The following TRA2A variants were observed in gnomAD, a reference collection of about 807,000 sequenced individuals.
TRA2A encodes transformer-2 protein homolog alpha.
In TRA2A, 31 loss-of-function variants were observed where a neutral mutation model predicts 45.7. The observed-to-expected ratio is 0.68, with a 90% CI of 0.51 to 0.92. The LOEUF (loss-of-function observed/expected upper bound fraction) is 0.92, where lower values mean the gene tolerates loss of function less well. Among genes scored for constraint, TRA2A ranks in the 40% least tolerant of loss-of-function variants. TRA2A has a pLI of 0.00. For synonymous variants in TRA2A, 132 were observed against 126.2 expected (o/e 1.05, Z -0.31); for missense variants, 304 against 367.5 (o/e 0.83, Z 1.41).
intron 1 of TRA2A, chr7:23,522,562 A>G (rs1790175243): frequency 5.6e-6 from 1 of 178,842 alleles, no homozygotes; most frequent in Non-Finnish European, 1.1e-5. Flanking sequence ...TATTTAAAAA[A>G]AAAAAAAAAA....
intron 3 of TRA2A, among the ~76,000 whole-genome samples, chr7:23,515,713 T>C (rs1789835726): frequency 6.6e-6 from 1 of 151,588 alleles, no homozygotes; most frequent in Non-Finnish European, 1.5e-5. Context: ...GCCTGGCTAA[T>C]TTTTGTATTT....
chr7:23,512,532 C>T (rs1327316697), intron 4 of TRA2A, among the ~76,000 whole-genome samples: 2 of 152,046 alleles, frequency 1.3e-5, no homozygotes, highest in African/African-American at 2.4e-5. Context: ...AATCTCGGCT[C>T]ACTGTAAGCT....
Position 23,505,832 on chromosome 7 carries a change from T to C in TRA2A, c.771-19A>G. ...TCGTCTTCTGTAAGAAATGAAAGAT[T>C]ACTTAGCATACTATATAATCACTCC... On this transcript the variant is annotated intron_variant, in intron 6 of 7. Transcript: ENST00000297071. 7.1e-7 allele frequency: 1 copy of C among 1,418,210 alleles called. No homozygotes were observed. Among genetic ancestry groups the C allele is most frequent in the East Asian group, 2.4e-5 (1 of 42,034 alleles). The allele number at this position is 1,418,210 out of a possible 1,614,324, so 87.9% of individuals were successfully genotyped here.
chr7:23,510,369 G>GC (rs1789544109), intron 4 of TRA2A, among the ~76,000 whole-genome samples: 1 of 151,990 alleles, frequency 6.6e-6, no homozygotes, highest in South Asian at 2.1e-4. Flanking sequence ...TCACTCTGTT[G>GC]CCCAGGCTGG....
rs1393366416 is a variant in TRA2A at position 23,517,058 on chromosome 7, T to C, written c.171-530A>G. Among the ~76,000 whole-genome samples the C allele has an allele frequency of 4.0e-5, 6 of 151,366 alleles. No individual in the cohort carries two copies. In the East Asian group the frequency reaches 6.0e-4, roughly 15 times the overall value. ...AGGAGGCAGAGGTTGCAAGCCGAGA[T>C]TGCGCCACCGCACTCCAGCATGGTA... is the stretch of plus-strand genomic sequence containing the variant. On this transcript the variant is annotated intron_variant, in intron 2 of 7. Transcript: ENST00000297071.
chr7:23,521,145 C>T (rs942325540), intron 2 of TRA2A, among the ~76,000 whole-genome samples: 4 of 152,152 alleles, frequency 2.6e-5, no homozygotes, highest in East Asian at 3.8e-4. Context: ...CAGAGCTCTA[C>T]GCTGGACAGA....
intron 3 of TRA2A, 126 bp downstream of exon 3, chr7:23,516,237 C>T: frequency 1.2e-6 from 1 of 847,438 alleles, no homozygotes; most frequent in Non-Finnish European, 1.8e-6. Context: ...GCTAAAGCAG[C>T]TTATTAAGGA....
chr7:23,508,048 C>T (rs1789422322), intron 4 of TRA2A, among the ~76,000 whole-genome samples: 1 of 152,064 alleles, frequency 6.6e-6, no homozygotes, highest in Non-Finnish European at 1.5e-5. Flanking sequence ...CTTTTTATAA[C>T]CTGCCCCCAA....
chr7:23,509,395 C>G (rs891991275), intron 4 of TRA2A, among the ~76,000 whole-genome samples: 1 of 152,076 alleles, frequency 6.6e-6, no homozygotes, highest in Non-Finnish European at 1.5e-5. Context: ...TTTTCAGAAT[C>G]AGGGAGAAGT....
intron 1 of TRA2A, among the ~76,000 whole-genome samples, chr7:23,523,614 T>C (rs995394910): frequency 6.6e-6 from 1 of 152,204 alleles, no homozygotes; most frequent in Non-Finnish European, 1.5e-5. Context: ...TTCTTTCAGA[T>C]AAAAACAAAA....
At chr7:23,511,411 GA>G (rs1554345693) in intron 4 of TRA2A, among the ~76,000 whole-genome samples, 8 of 38,598 alleles carry the variant, frequency 2.1e-4, no homozygotes, top group Admixed American at 3.4e-4. Context: ...AAAAAAAAAA[GA>G]AAAGAAAAGA....
At chr7:23,527,312 G>A (rs1379217923) in intron 1 of TRA2A, among the ~76,000 whole-genome samples, 1 of 152,028 alleles carries the variant, frequency 6.6e-6, no homozygotes, top group Non-Finnish European at 1.5e-5. Context: ...AAGGAGGGAA[G>A]GGAAACCATA....
rs1422938364 is a variant in TRA2A at position 23,512,747 on chromosome 7, C to T, written c.525+147G>A. On this transcript the variant is annotated intron_variant, in intron 4 of 7. Coordinates refer to ENST00000297071, the MANE Select transcript of TRA2A (RefSeq NM_013293.5). ...TGCTGGGATTACAGACATGAGCCAC[C>T]GCGCCTGGACGCAAGATCCTATCTT... The T allele has an allele frequency of 2.5e-5, 16 of 638,764 alleles. No individual in the cohort carries two copies. In the South Asian group the frequency reaches 3.1e-4, roughly 13 times the overall value. 39.6% of individuals were successfully genotyped at this position (638,764 alleles called of 1,614,324 possible). A position where few individuals can be genotyped will look rare whatever the true frequency, so the allele number is the denominator to read the frequency against.
intron 4 of TRA2A, among the ~76,000 whole-genome samples, chr7:23,510,809 G>A (rs1181629053): frequency 6.6e-6 from 1 of 151,364 alleles, no homozygotes; most frequent in Non-Finnish European, 1.5e-5. Context: ...TCTTAATTGA[G>A]AAAAGGAATA....
At chr7:23,530,465 C>T (rs549418449) in intron 1 of TRA2A, among the ~76,000 whole-genome samples, 1 of 152,194 alleles carries the variant, frequency 6.6e-6, no homozygotes, top group Non-Finnish European at 1.5e-5. Context: ...ACAAAATTCG[C>T]CCTTCAGCAC....
At chr7:23,507,917 C>T (rs1264422833) in intron 4 of TRA2A, among the ~76,000 whole-genome samples, 1 of 152,172 alleles carries the variant, frequency 6.6e-6, no homozygotes. Flanking sequence ...TCTTTTCAAG[C>T]TAAATTTTTT....
chr7:23,512,774 A>T (rs1272930287), intron 4 of TRA2A, 120 bp downstream of exon 4: 81 of 187,346 alleles, frequency 4.3e-4, no homozygotes, highest in Non-Finnish European at 5.9e-4. Context: ...TCCTATCTTT[A>T]AAAAAAAAAA....
chr7:23,509,727 G>A (rs575590273), intron 4 of TRA2A, among the ~76,000 whole-genome samples: 10 of 123,714 alleles, frequency 8.1e-5, no homozygotes, highest in East Asian at 2.0e-4. Flanking sequence ...GCAAGACTCC[G>A]TCTCAAAAAA....
Position 23,531,928 on chromosome 7 carries a change from G to C in TRA2A, c.-104C>G. On this transcript the variant is annotated 5_prime_UTR_variant, in exon 1 of 8. Coordinates refer to ENST00000297071, the MANE Select transcript of TRA2A (RefSeq NM_013293.5). ...GGACCGTGGGGAAGAGGAAAGAGTC[G>C]GCAACCACAGCCGCTCCACTCCACT... 1.5e-6 allele frequency: 2 copies of C among 1,310,410 alleles called. No homozygotes were observed. Among genetic ancestry groups the C allele is most frequent in the Non-Finnish European group, 2.2e-6 (2 of 924,740 alleles). 81.2% of individuals were successfully genotyped at this position (1,310,410 alleles called of 1,614,324 possible).
Sources: allele counts gnomAD v4.1 joint callset (sites outside exome capture counted in the v4.1 genomes callset), GRCh38; gene constraint gnomAD v4.1.1; transcripts MANE v1.5; gene names NCBI Gene and HGNC (gene_info 2026-07-23, HGNC 2026-07-21).